LRRC37A2: variants seen among roughly 807,000 people sequenced by gnomAD.
The protein encoded by LRRC37A2 is leucine rich repeat containing 37 member A2, also known as leucine-rich repeat-containing protein 37A2.
Under a neutral mutation model 68.8 loss-of-function variants are expected in LRRC37A2, and 9 were observed. The ratio of observed to expected loss-of-function variants is 0.13; its 90% CI spans 0.08 to 0.23. The LOEUF is 0.23. Ranked by LOEUF, LRRC37A2 falls within the 10% of genes least tolerant of loss-of-function variation. The probability of loss-of-function intolerance (pLI) is 1.00; values close to 1 mark genes in which losing one functional copy is unlikely to be tolerated. For missense variants in LRRC37A2, 168 were observed against 950.4 expected (o/e 0.18, Z 10.82); for synonymous variants, 63 against 367.6 (o/e 0.17, Z 9.48).
chr17:46,525,602 T>TAATATAATAATA (rs1346950818), intron 6 of LRRC37A2, among the ~76,000 whole-genome samples: 1 of 103,292 alleles, frequency 9.7e-6, no homozygotes, highest in East Asian at 2.7e-4. Flanking sequence ...ATAATAATAA[T>TAATATAATAATA]ATAATAATAA....
the LRRC37A2 span, among the ~76,000 whole-genome samples, chr17:46,569,216 G>C: frequency 6.6e-6 from 1 of 151,666 alleles, no homozygotes; most frequent in Non-Finnish European, 1.5e-5. Flanking sequence ...CCAAAGTGCT[G>C]GGATTACAGG....
chr17:46,776,558 G>A, the LRRC37A2 span, among the ~76,000 whole-genome samples: 95,044 of 152,126 alleles, frequency 0.62, 32,332 homozygotes, highest in South Asian at 0.82. Context: ...CCAGGCTGCA[G>A]AGGTCCCCGT....
the LRRC37A2 span, among the ~76,000 whole-genome samples, chr17:46,928,066 C>T: frequency 6.6e-6 from 1 of 152,052 alleles, no homozygotes; most frequent in Non-Finnish European, 1.5e-5. Context: ...TACATCAGCC[C>T]CCATACCTCC....
the LRRC37A2 span, among the ~76,000 whole-genome samples, chr17:46,813,459 C>G: frequency 7.2e-6 from 1 of 139,692 alleles, no homozygotes; most frequent in Non-Finnish European, 1.5e-5. Context: ...CAGGATGGCT[C>G]TAACCTTTGG....
the LRRC37A2 span, among the ~76,000 whole-genome samples, chr17:46,800,107 C>CTATT: frequency 4.4e-4 from 67 of 152,028 alleles, no homozygotes; most frequent in South Asian, 6.2e-4. Context: ...AACAGAATTC[C>CTATT]TATTTATTTA....
At chr17:46,739,676 A>T in the LRRC37A2 span, among the ~76,000 whole-genome samples, 2 of 151,922 alleles carry the variant, frequency 1.3e-5, no homozygotes, top group Non-Finnish European at 2.9e-5. Flanking sequence ...GTTGGTACAA[A>T]GCTGAATATA....
the LRRC37A2 span, among the ~76,000 whole-genome samples, chr17:46,819,020 C>G: frequency 6.6e-6 from 1 of 152,156 alleles, no homozygotes; most frequent in African/African-American, 2.4e-5. This position sits in a 1 kb window ranked among gnomAD's most constrained non-coding sequence, Gnocchi z 5.3. Flanking sequence ...GGCTTTGACC[C>G]GGGCGTTCAC....
chr17:46,657,920 G>A, the LRRC37A2 span, among the ~76,000 whole-genome samples: 1 of 88,616 alleles, frequency 1.1e-5, no homozygotes, highest in Non-Finnish European at 2.0e-5. Flanking sequence ...TCGCTTTGAA[G>A]AGCTCACCAC....
At chr17:46,773,623 T>TGCCCCCCCCCCC in the LRRC37A2 span, 1 of 383,492 alleles carries the variant, frequency 2.6e-6, no homozygotes, top group Non-Finnish European at 5.2e-6. Flanking sequence ...TCCTGATCCC[T>TGCCCCCCCCCCC]CCCCCCACCC....
At chr17:46,818,834 G>A in the LRRC37A2 span, 1 of 573,976 alleles carries the variant, frequency 1.7e-6, no homozygotes, top group Non-Finnish European at 3.1e-6. Flanking sequence ...CTGTAGTTCA[G>A]CCTGTCAATC....
chr17:46,863,515 G>C, the LRRC37A2 span, among the ~76,000 whole-genome samples: 7 of 152,188 alleles, frequency 4.6e-5, no homozygotes, highest in East Asian at 1.3e-3. Flanking sequence ...AAAAGTGGGA[G>C]AAGACAAAGA....
At chr17:46,703,702 A>AAAC in the LRRC37A2 span, among the ~76,000 whole-genome samples, 3 of 148,236 alleles carry the variant, frequency 2.0e-5, no homozygotes, top group South Asian at 2.1e-4. Context: ...AAAAAAAAAA[A>AAAC]AACAAAAAAC....
the LRRC37A2 span, among the ~76,000 whole-genome samples, chr17:46,882,277 CTCTT>C: frequency 6.6e-6 from 1 of 152,332 alleles, no homozygotes; most frequent in East Asian, 1.9e-4. Context: ...AACAGTCCCC[CTCTT>C]TCTTTGCTTT....
At chr17:46,635,965 A>G in the LRRC37A2 span, among the ~76,000 whole-genome samples, 2 of 67,698 alleles carry the variant, frequency 3.0e-5, no homozygotes, top group Admixed American at 1.5e-4. Flanking sequence ...TAGTACCACT[A>G]CAGTATACAG....
the LRRC37A2 span, among the ~76,000 whole-genome samples, chr17:46,734,890 T>C: frequency 6.6e-6 from 1 of 151,942 alleles, no homozygotes; most frequent in Non-Finnish European, 1.5e-5. Flanking sequence ...GACCAGTCTT[T>C]ACAAAAAAAA....
chr17:46,580,251 C>T, the LRRC37A2 span, among the ~76,000 whole-genome samples: 1 of 150,156 alleles, frequency 6.7e-6, no homozygotes, highest in Non-Finnish European at 1.5e-5. Flanking sequence ...TGGCCACCCG[C>T]ACCTCGTTAA....
the LRRC37A2 span, among the ~76,000 whole-genome samples, chr17:46,845,480 T>C: frequency 2.0e-5 from 3 of 148,996 alleles, no homozygotes; most frequent in African/African-American, 7.4e-5. Flanking sequence ...GAGTGAGTTA[T>C]CTGAATTTTT....
the LRRC37A2 span, among the ~76,000 whole-genome samples, chr17:46,896,737 C>T: frequency 6.6e-6 from 1 of 152,218 alleles, no homozygotes; most frequent in African/African-American, 2.4e-5. Context: ...CTATGTGCTG[C>T]TTTCTATGAT....
the LRRC37A2 span, among the ~76,000 whole-genome samples, chr17:46,684,539 G>T: frequency 2.0e-5 from 3 of 152,036 alleles, no homozygotes; most frequent in African/African-American, 7.2e-5. Flanking sequence ...GCATGGTACT[G>T]TTACCAAAAC....
Sources: allele counts gnomAD v4.1 joint callset (sites outside exome capture counted in the v4.1 genomes callset), GRCh38; gene constraint gnomAD v4.1.1; non-coding constraint Gnocchi (gnomAD v3.1); transcripts MANE v1.5; gene names NCBI Gene and HGNC (gene_info 2026-07-23, HGNC 2026-07-21).